Variants in KDM4C observed in about 807,000 individuals in gnomAD.
KDM4C encodes the protein lysine-specific demethylase 4C.
In KDM4C, 81 loss-of-function variants were observed where a neutral mutation model predicts 129.3. The observed-to-expected ratio is 0.63, with a 90% CI of 0.52 to 0.75. The LOEUF is 0.75. Ranked by LOEUF, KDM4C falls within the 30% of genes least tolerant of loss-of-function variation. The probability of loss-of-function intolerance (pLI) is 0.00; values close to 1 mark genes in which losing one functional copy is unlikely to be tolerated. For missense variants in KDM4C, 1,457 were observed against 1,304.0 expected (o/e 1.12, Z -1.81); for synonymous variants, 573 against 456.1 (o/e 1.26, Z -3.26).
At chr9:6,762,902 A>G (rs1261341215) in intron 1 of KDM4C, among the ~76,000 whole-genome samples, 1 of 151,248 alleles carries the variant, frequency 6.6e-6, no homozygotes, top group African/African-American at 2.4e-5. Flanking sequence ...CAGGTGATCC[A>G]CCCCCTCACC....
At chr9:7,091,964 C>T (rs1564105945) in intron 17 of KDM4C, among the ~76,000 whole-genome samples, 1 of 152,206 alleles carries the variant, frequency 6.6e-6, no homozygotes, top group Non-Finnish European at 1.5e-5. Context: ...ATTTGTTTAA[C>T]GTCCCTTACT....
chr9:7,082,422 G>A (rs918843836), intron 17 of KDM4C, among the ~76,000 whole-genome samples: 11 of 152,172 alleles, frequency 7.2e-5, no homozygotes, highest in Admixed American at 3.3e-4. Context: ...AAGGCACCCC[G>A]TTAAGAATGA....
At chr9:6,834,579 G>A (rs1208834877) in intron 4 of KDM4C, 12 of 728,684 alleles carry the variant, frequency 1.6e-5, no homozygotes, top group Non-Finnish European at 2.8e-5. Flanking sequence ...AAGCACCAGG[G>A]CATGATGGTG....
intron 8 of KDM4C, among the ~76,000 whole-genome samples, chr9:6,908,159 T>C (rs1006536666): frequency 7.2e-5 from 11 of 152,188 alleles, no homozygotes; most frequent in South Asian, 2.1e-4. Context: ...ATTTATACTA[T>C]TGTTTATATT....
intron 1 of KDM4C, among the ~76,000 whole-genome samples, chr9:6,782,972 C>G (rs1191228455): frequency 6.6e-6 from 1 of 152,102 alleles, no homozygotes; most frequent in Non-Finnish European, 1.5e-5. Context: ...GAATTGACTA[C>G]AAAGGTCACC....
intron 15 of KDM4C, among the ~76,000 whole-genome samples, chr9:7,017,662 G>T (rs1455298218): frequency 6.6e-6 from 1 of 152,178 alleles, no homozygotes; most frequent in Non-Finnish European, 1.5e-5. Flanking sequence ...GACCTCAGCA[G>T]TGTATGCCTC....
At chr9:6,910,236 A>G (rs1292585126) in intron 8 of KDM4C, among the ~76,000 whole-genome samples, 3 of 152,162 alleles carry the variant, frequency 2.0e-5, no homozygotes, top group African/African-American at 4.8e-5. Flanking sequence ...AAGCAGCACT[A>G]CATTAATATA....
At chr9:7,027,225 T>C (rs1411623694) in intron 15 of KDM4C, among the ~76,000 whole-genome samples, 2 of 152,236 alleles carry the variant, frequency 1.3e-5, no homozygotes, top group East Asian at 3.9e-4. Context: ...TTACCCATTC[T>C]CCTTGGGAAG....
chr9:6,868,249 T>C (rs537023780), intron 5 of KDM4C, among the ~76,000 whole-genome samples: 114 of 151,842 alleles, frequency 7.5e-4, no homozygotes, highest in African/African-American at 2.6e-3. Context: ...ACAGAACGTT[T>C]AGGTGAACTA....
intron 18 of KDM4C, among the ~76,000 whole-genome samples, chr9:7,106,798 T>C (rs1837743151): frequency 6.6e-6 from 1 of 152,214 alleles, no homozygotes; most frequent in African/African-American, 2.4e-5. Flanking sequence ...CCCAGCTAAT[T>C]ATTTTAAATA....
At chr9:7,156,745 G>A (rs979445974) in intron 19 of KDM4C, among the ~76,000 whole-genome samples, 9 of 152,150 alleles carry the variant, frequency 5.9e-5, no homozygotes, top group Non-Finnish European at 1.3e-4. Flanking sequence ...ATGCTGTTTT[G>A]GTTACTGTAG....
chr9:7,081,730 C>T (rs757727062), intron 17 of KDM4C, among the ~76,000 whole-genome samples: 4 of 152,126 alleles, frequency 2.6e-5, no homozygotes, highest in Admixed American at 2.6e-4. Flanking sequence ...AGGAAATGTT[C>T]GTGTTGATGA....
chr9:6,820,672 C>G (rs895731514), intron 4 of KDM4C, among the ~76,000 whole-genome samples: 4 of 150,376 alleles, frequency 2.7e-5, no homozygotes, highest in African/African-American at 9.8e-5. Flanking sequence ...GGGAGAGGGC[C>G]TGGAAATCCC....
intron 17 of KDM4C, chr9:7,076,725 G>A: frequency 8.3e-7 from 1 of 1,210,252 alleles, no homozygotes; most frequent in East Asian, 3.6e-5. Flanking sequence ...GACTTCCTAT[G>A]TGGGGTAAAA....
At chr9:7,157,334 A>C (rs1564189607) in intron 19 of KDM4C, among the ~76,000 whole-genome samples, 1 of 152,222 alleles carries the variant, frequency 6.6e-6, no homozygotes, top group Non-Finnish European at 1.5e-5. Context: ...TCCTAATTGA[A>C]TACCCATTAT....
chr9:6,911,272 G>A (rs976045330), intron 8 of KDM4C, among the ~76,000 whole-genome samples: 2 of 152,174 alleles, frequency 1.3e-5, no homozygotes, highest in Non-Finnish European at 2.9e-5. Flanking sequence ...AGACAAGAAG[G>A]TAGAAAATGA....
chr9:7,001,705 A>G (rs562299930), intron 12 of KDM4C, among the ~76,000 whole-genome samples: 1 of 151,032 alleles, frequency 6.6e-6, no homozygotes, highest in South Asian at 2.1e-4. Flanking sequence ...TCCTGCTGTC[A>G]TTTACATAGA....
At chr9:6,858,850 CTT>C (rs968152380) in intron 5 of KDM4C, among the ~76,000 whole-genome samples, 16 of 142,884 alleles carry the variant, frequency 1.1e-4, no homozygotes, top group Middle Eastern at 3.6e-3. Context: ...TTTGGTATCT[CTT>C]TTTTTTTTTG....
chr9:6,878,823 A>G (rs1045939894), intron 5 of KDM4C, among the ~76,000 whole-genome samples: 14 of 148,184 alleles, frequency 9.4e-5, no homozygotes, highest in Non-Finnish European at 1.5e-5. Flanking sequence ...ACCCACACCC[A>G]CACCCACACC....
Sources: gnomAD v4.1 joint callset for allele counts (sites outside exome capture counted in the v4.1 genomes callset) on GRCh38, gnomAD v4.1.1 for gene constraint, MANE v1.5 for transcripts, NCBI Gene and HGNC (gene_info 2026-07-23, HGNC 2026-07-21) for gene names.